Variants in KAZN observed in about 807,000 individuals in gnomAD.
The protein encoded by KAZN is kazrin.
In KAZN, 40 loss-of-function variants were observed where a neutral mutation model predicts 87.4. The ratio of observed to expected loss-of-function variants is 0.46; its 90% CI spans 0.36 to 0.60. The LOEUF is 0.60. KAZN is among the 20% of genes least tolerant of loss of function. The probability of loss-of-function intolerance (pLI) is 0.00; values close to 1 mark genes in which losing one functional copy is unlikely to be tolerated. For missense variants in KAZN, 898 were observed against 1,073.9 expected (o/e 0.84, Z 2.29); for synonymous variants, 466 against 458.3 (o/e 1.02, Z -0.22).
intron 1 of KAZN, among the ~76,000 whole-genome samples, chr1:14,811,834 C>T (rs960059322): frequency 2.0e-5 from 3 of 152,100 alleles, no homozygotes; most frequent in East Asian, 1.9e-4. Flanking sequence ...CCCTGTTGCA[C>T]GGGGGAAATG....
chr1:14,650,315 C>G (rs11799586), intron 1 of KAZN, among the ~76,000 whole-genome samples: 41,277 of 152,042 alleles, frequency 0.27, 5,871 homozygotes, highest in South Asian at 0.38. Flanking sequence ...AGCACTTTGG[C>G]AACCCAAGCT....
chr1:14,214,353 T>C (rs74057108), intron 2 of KAZN, among the ~76,000 whole-genome samples: 2,618 of 152,274 alleles, frequency 0.017, 68 homozygotes, highest in African/African-American at 0.059. Flanking sequence ...GCTGTGTTGG[T>C]TTTATGCACT....
intron 1 of KAZN, among the ~76,000 whole-genome samples, chr1:14,065,699 C>T (rs947683667): frequency 2.0e-5 from 3 of 152,086 alleles, no homozygotes; most frequent in African/African-American, 7.2e-5. Context: ...TTGTTCCAAT[C>T]GATATGCAAG....
chr1:14,502,588 TC>T (rs1240309243), intron 2 of KAZN, among the ~76,000 whole-genome samples: 1 of 152,156 alleles, frequency 6.6e-6, no homozygotes, highest in Non-Finnish European at 1.5e-5. Flanking sequence ...CAAAATGTTA[TC>T]TTCTGGCAAA....
intron 1 of KAZN, among the ~76,000 whole-genome samples, chr1:14,163,125 A>G (rs1040232778): frequency 1.3e-5 from 2 of 152,152 alleles, no homozygotes; most frequent in Non-Finnish European, 2.9e-5. Flanking sequence ...GTCTGCAGCA[A>G]CTTGATTCTT....
intron 2 of KAZN, among the ~76,000 whole-genome samples, chr1:14,478,252 A>AGGAAGGAAGGAAGGAG (rs1668871502): frequency 7.1e-6 from 1 of 140,528 alleles, no homozygotes; most frequent in South Asian, 2.2e-4. Context: ...AAGGAAAAGA[A>AGGAAGGAAGGAAGGAG]GGAAGGAAGG....
At chr1:15,053,307 T>C (rs1360893998) in intron 4 of KAZN, among the ~76,000 whole-genome samples, 1 of 152,158 alleles carries the variant, frequency 6.6e-6, no homozygotes, top group Admixed American at 6.5e-5. Flanking sequence ...AGTGTGGGTC[T>C]CCGTGATGCT....
chr1:14,689,559 G>C (rs375692924), intron 1 of KAZN, among the ~76,000 whole-genome samples: 75 of 152,346 alleles, frequency 4.9e-4, no homozygotes, highest in African/African-American at 1.8e-3. Flanking sequence ...GAATTGGTCT[G>C]TTTGGATTAC....
intron 1 of KAZN, among the ~76,000 whole-genome samples, chr1:14,734,331 C>T (rs1381186274): frequency 1.6e-5 from 2 of 128,028 alleles, no homozygotes; most frequent in African/African-American, 2.9e-5. Context: ...TTTTTTGAGA[C>T]AGAGTTTTGC....
At chr1:14,270,851 T>G (rs1378014209) in intron 2 of KAZN, among the ~76,000 whole-genome samples, 2 of 152,134 alleles carry the variant, frequency 1.3e-5, no homozygotes, top group African/African-American at 4.8e-5. Flanking sequence ...CTGAGTTTGA[T>G]TTTTTACCCC....
At chr1:14,913,527 A>G (rs1657469846) in intron 1 of KAZN, among the ~76,000 whole-genome samples, 1 of 152,250 alleles carries the variant, frequency 6.6e-6, no homozygotes, top group Admixed American at 6.5e-5. Context: ...ACTAGGGGCC[A>G]TTACAGATTT....
At chr1:14,868,253 G>A (rs1012977730) in intron 1 of KAZN, among the ~76,000 whole-genome samples, 4 of 152,256 alleles carry the variant, frequency 2.6e-5, no homozygotes, top group African/African-American at 7.2e-5. Context: ...CATCACATAC[G>A]CACAGCCAGG....
At chr1:14,434,760 C>T (rs1014171486) in intron 2 of KAZN, among the ~76,000 whole-genome samples, 2 of 151,972 alleles carry the variant, frequency 1.3e-5, no homozygotes, top group African/African-American at 4.8e-5. Context: ...AGCCCAGGAC[C>T]CTGCCTCCAA....
chr1:14,023,629 A>G (rs994944480), intron 1 of KAZN, among the ~76,000 whole-genome samples: 8 of 152,182 alleles, frequency 5.3e-5, no homozygotes, highest in African/African-American at 1.9e-4. Flanking sequence ...ATTTCATAGG[A>G]GAGGAAGAAG....
At position 14,599,244 on chromosome 1, in the gene KAZN, AG is replaced by A; in HGVS notation, c.226+24del. 1.5e-6 allele frequency: 2 copies of A among 1,350,754 alleles called. No homozygotes were observed. Among genetic ancestry groups the A allele is most frequent in the Non-Finnish European group, 9.5e-7 (1 of 1,055,600 alleles). The allele number at this position is 1,350,754 out of a possible 1,614,324, so 83.7% of individuals were successfully genotyped here. On this transcript the variant is annotated intron_variant, in intron 1 of 14. Coordinates refer to ENST00000376030, the MANE Select transcript of KAZN (RefSeq NM_201628.3). The surrounding 1 kb of genome is among the most constrained non-coding windows in gnomAD (Gnocchi z 4.4). The stretch of plus-strand genomic sequence containing the variant: ...GCAAGGTAGGATCGCCCCGGCGCCC[AG>A]GGCGGAGGAAGGCGAGCAGAGCACG...
At chr1:15,068,402 C>T (rs985056420) in intron 8 of KAZN, among the ~76,000 whole-genome samples, 7 of 152,116 alleles carry the variant, frequency 4.6e-5, no homozygotes, top group East Asian at 1.9e-4. Flanking sequence ...GTGGTCCAAA[C>T]GCACCACCCC....
chr1:14,983,242 C>G (rs990868094), intron 2 of KAZN, among the ~76,000 whole-genome samples: 1 of 152,178 alleles, frequency 6.6e-6, no homozygotes, highest in African/African-American at 2.4e-5. Context: ...GCTGTACACC[C>G]CCTACCTCCA....
intron 8 of KAZN, among the ~76,000 whole-genome samples, chr1:15,078,668 C>T (rs897013335): frequency 6.6e-6 from 1 of 152,192 alleles, no homozygotes; most frequent in African/African-American, 2.4e-5. Context: ...TCCTTTGCCC[C>T]ATGCTGTGGC....
chr1:14,946,347 T>A, intron 1 of KAZN, among the ~76,000 whole-genome samples: 1 of 151,222 alleles, frequency 6.6e-6, no homozygotes, highest in East Asian at 1.9e-4. Context: ...TCTCTCTTTT[T>A]TTTTTTTTGA....
Sources: gnomAD v4.1 joint callset for allele counts (sites outside exome capture counted in the v4.1 genomes callset) on GRCh38, gnomAD v4.1.1 for gene constraint, Gnocchi (gnomAD v3.1) non-coding constraint, MANE v1.5 for transcripts, NCBI Gene and HGNC (gene_info 2026-07-23, HGNC 2026-07-21) for gene names.